WIPI2: variants seen among roughly 807,000 people sequenced by gnomAD.
WIPI2 encodes WD repeat domain phosphoinositide-interacting protein 2.
WIPI2 carries 28 observed loss-of-function variants against 52.3 expected under a neutral mutation model. That is an observed-to-expected ratio of 0.54 (90% CI 0.40 to 0.73). The LOEUF is 0.73. WIPI2 is among the 30% of genes least tolerant of loss of function. The probability of loss-of-function intolerance (pLI) is 0.00; values close to 1 mark genes in which losing one functional copy is unlikely to be tolerated. For missense variants in WIPI2, 506 were observed against 602.9 expected (o/e 0.84, Z 1.68); for synonymous variants, 268 against 245.0 (o/e 1.09, Z -0.88).
rs1258193651 is a variant in WIPI2 at position 5,214,268 on chromosome 7, A to G, written c.212-267A>G. ...CCTAAACTCACCATTCAAATCCAGCAACAGAACTGACTGAAAGGAACCTTT... is the reference window on the plus strand; with the variant it reads ...CCTAAACTCACCATTCAAATCCAGCGACAGAACTGACTGAAAGGAACCTTT... On this transcript the variant is annotated intron_variant, in intron 3 of 12. Transcript: ENST00000288828. 5 of 1,429,660 alleles carry G rather than the reference A, an allele frequency of 3.5e-6. No homozygotes were observed. The Admixed American group carries it at 7.2e-5, about 21-fold the overall frequency. The allele number at this position is 1,429,660 out of a possible 1,614,324, so 88.6% of individuals were successfully genotyped here.
intron 2 of WIPI2, among the ~76,000 whole-genome samples, chr7:5,198,850 C>T (rs989868098): frequency 7.2e-5 from 11 of 152,168 alleles, no homozygotes; most frequent in African/African-American, 1.7e-4. Flanking sequence ...TATATACACA[C>T]GTCTTTTGAA....
chr7:5,190,878 C>G (rs181414708), intron 1 of WIPI2: 53 of 176,210 alleles, frequency 3.0e-4, no homozygotes, highest in African/African-American at 1.2e-3. Flanking sequence ...GTCTCCTCTT[C>G]CCGCTGCTTG....
intron 3 of WIPI2, among the ~76,000 whole-genome samples, chr7:5,208,385 A>G (rs1330974923): frequency 6.7e-6 from 1 of 150,278 alleles, no homozygotes; most frequent in Non-Finnish European, 1.5e-5. Flanking sequence ...TTCTTTGAGC[A>G]AATGGTTTAA....
At chr7:5,206,283 G>A (rs1205875439) in intron 3 of WIPI2, among the ~76,000 whole-genome samples, 1 of 152,174 alleles carries the variant, frequency 6.6e-6, no homozygotes, top group Non-Finnish European at 1.5e-5. Context: ...CCTTACTTAT[G>A]TAGAGGGGCT....
Position 5,216,642 on chromosome 7 carries a change from C to T in WIPI2, c.461C>T (p.Thr154Met), listed in dbSNP as rs867303649. 6.2e-7 allele frequency: 1 copy of T among 1,614,146 alleles called. No individual in the cohort carries two copies. The highest frequency in any genetic ancestry group is 8.5e-7 in the Non-Finnish European group (1 of 1,180,008). Residue 154 changes from threonine to methionine, a missense_variant, in exon 5 of 13, where the codon ACG becomes ATG. Around this residue, in one of 4 missense-constraint regions of WIPI2, gnomAD observed 237 missense variants for 346.9 expected, o/e 0.68. Transcript: ENST00000288828. The part of the protein sequence containing the change: ...DMKVLHTIRE[T>M]PPNPAGLCAL... ...AAGGTGCTGCATACGATCAGGGAGACGCCTCCAAACCCTGCAGGTGAGCTA... is the reference window on the plus strand; with the variant it reads ...AAGGTGCTGCATACGATCAGGGAGATGCCTCCAAACCCTGCAGGTGAGCTA...
rs554452442 is a variant in WIPI2 at position 5,218,224 on chromosome 7, A to G, written c.669+210A>G. 1.1e-4 allele frequency: 57 copies of G among 527,392 alleles called. 2 individuals are homozygous for G. In the South Asian group the frequency reaches 1.1e-3, roughly 10 times the overall value. 32.7% of individuals were successfully genotyped at this position (527,392 alleles called of 1,614,324 possible). A position where few individuals can be genotyped will look rare whatever the true frequency, so the allele number is the denominator to read the frequency against. On this transcript the variant is annotated intron_variant, in intron 7 of 12. Coordinates refer to ENST00000288828, the MANE Select transcript of WIPI2 (RefSeq NM_015610.4). ...GCCACTGGGACGGGAGAGCTGGTCC[A>G]CATTTGTAGTAGAAAATACAGAAAT...
rs918868435 is a variant in WIPI2 at position 5,193,009 on chromosome 7, A to T, written c.75-109A>T. On this transcript the variant is annotated intron_variant, in intron 1 of 12. Transcript: ENST00000288828. ...ACTGTCCTGCCTTTCTTTACTGGTA[A>T]TATGATTTCCAATGTCGTACTTTTT... The T allele has an allele frequency of 2.0e-5, 21 of 1,025,310 alleles. No homozygotes were observed. The South Asian group carries it at 2.8e-4, about 14-fold the overall frequency. The allele number at this position is 1,025,310 out of a possible 1,614,324, so 63.5% of individuals were successfully genotyped here.
chr7:5,204,368 G>A (rs1040330014), intron 3 of WIPI2, among the ~76,000 whole-genome samples: 2 of 152,170 alleles, frequency 1.3e-5, no homozygotes, highest in Non-Finnish European at 2.9e-5. Context: ...TCTGCAGGCT[G>A]AGGTAGGAGA....
intron 1 of WIPI2, 106 bp downstream of exon 1, chr7:5,190,599 C>G (rs10273502): frequency 0.03 from 35,750 of 1,182,644 alleles, 649 homozygotes; most frequent in Middle Eastern, 0.083. Flanking sequence ...CTCGGCCTCC[C>G]CGCGGGCCAA....
chr7:5,214,537 G>A lies in WIPI2; in HGVS notation c.214G>A (p.Asp72Asn), dbSNP rs778968535. The change falls in exon 4 of 13, where the codon GAT becomes AAT. Residue 72 changes from aspartate to asparagine, a missense_variant and splice_region_variant. Around this residue, in one of 4 missense-constraint regions of WIPI2, gnomAD observed 237 missense variants for 346.9 expected, o/e 0.68. Coordinates refer to ENST00000288828, the MANE Select transcript of WIPI2 (RefSeq NM_015610.4). ...DKLEQIYECT[D>N]TEDVCIVERL... ...TGTACTTCCCTTTGTGATTTCAGCC[G>A]ATACGGAAGATGTGTGCATTGTAGA... 9 of 1,614,116 alleles carry A rather than the reference G, an allele frequency of 5.6e-6. No individual in the cohort carries two copies. Among genetic ancestry groups the A allele is most frequent in the East Asian group, 2.2e-5 (1 of 44,900 alleles).
intron 7 of WIPI2, among the ~76,000 whole-genome samples, chr7:5,221,250 C>T (rs895919894): frequency 1.8e-4 from 27 of 151,926 alleles, no homozygotes; most frequent in Non-Finnish European, 8.8e-5. Context: ...CGTGAGTCAC[C>T]GCACCTGGCC....
At chr7:5,193,363 G>A in intron 2 of WIPI2, 192 bp downstream of exon 2, 1 of 1,389,252 alleles carries the variant, frequency 7.2e-7, no homozygotes, top group African/African-American at 1.5e-5. Context: ...ATGTAGCAAT[G>A]TCTGTTTTAA....
At chr7:5,193,885 G>C (rs1781608844) in intron 2 of WIPI2, among the ~76,000 whole-genome samples, 1 of 152,202 alleles carries the variant, frequency 6.6e-6, no homozygotes, top group Non-Finnish European at 1.5e-5. Context: ...CCTGAAGATG[G>C]TTTCTAAGAT....
intron 2 of WIPI2, among the ~76,000 whole-genome samples, chr7:5,195,339 G>A (rs1043760183): frequency 1.3e-5 from 2 of 152,106 alleles, no homozygotes; most frequent in African/African-American, 2.4e-5. Flanking sequence ...ACAAAAATTA[G>A]CCGGGTGTGG....
At chr7:5,211,458 G>C (rs1054348109) in intron 3 of WIPI2, among the ~76,000 whole-genome samples, 9 of 152,258 alleles carry the variant, frequency 5.9e-5, no homozygotes, top group Admixed American at 5.9e-4. Context: ...GGCAACAAAA[G>C]CAAAACTCTG....
intron 3 of WIPI2, among the ~76,000 whole-genome samples, chr7:5,205,689 G>T (rs1038246976): frequency 6.6e-6 from 1 of 151,916 alleles, no homozygotes; most frequent in Admixed American, 6.6e-5. Context: ...ATTTTTTTTA[G>T]TAGAGATGGG....
At chr7:5,194,663 T>C (rs946330217) in intron 2 of WIPI2, among the ~76,000 whole-genome samples, 3 of 152,198 alleles carry the variant, frequency 2.0e-5, no homozygotes, top group African/African-American at 4.8e-5. Context: ...TTTGTAGAGA[T>C]GGGGTTTCAC....
At chr7:5,200,112 C>T (rs538220837) in intron 3 of WIPI2, among the ~76,000 whole-genome samples, 4 of 152,184 alleles carry the variant, frequency 2.6e-5, no homozygotes, top group South Asian at 2.1e-4. Flanking sequence ...GGAGGTCATG[C>T]GCTTTGGCCT....
chr7:5,205,842 T>TC (rs1462749638), intron 3 of WIPI2, among the ~76,000 whole-genome samples: 2 of 149,922 alleles, frequency 1.3e-5, no homozygotes, highest in Admixed American at 1.3e-4. Flanking sequence ...CAAACTGAGT[T>TC]CTTTTTTTTT....
Sources: allele counts gnomAD v4.1 joint callset (sites outside exome capture counted in the v4.1 genomes callset), GRCh38; gene constraint gnomAD v4.1.1; regional missense constraint gnomAD v4.1.1; transcripts MANE v1.5; gene names NCBI Gene and HGNC (gene_info 2026-07-23, HGNC 2026-07-21).